NMNAT2: variants seen among roughly 807,000 people sequenced by gnomAD.
NMNAT2 encodes nicotinamide/nicotinic acid mononucleotide adenylyltransferase 2.
In NMNAT2, 11 loss-of-function variants were observed where a neutral mutation model predicts 41.6. The observed-to-expected ratio is 0.26, with a 90% CI of 0.17 to 0.44. NMNAT2 has a LOEUF of 0.44. Among genes scored for constraint, NMNAT2 ranks in the 20% least tolerant of loss-of-function variants. NMNAT2 has a pLI of 1.00. For missense variants in NMNAT2, 288 were observed against 407.7 expected, an observed-to-expected ratio of 0.71 and a Z score of 2.53; for synonymous variants, 148 against 151.2, an observed-to-expected ratio of 0.98 and a Z score of 0.16.
chr1:183,358,829 A>C (rs906918666), intron 1 of NMNAT2, among the ~76,000 whole-genome samples: 6 of 152,186 alleles, frequency 3.9e-5, no homozygotes, highest in Non-Finnish European at 7.4e-5. Context: ...CAGTAAACTG[A>C]AAGGTACAGG....
At chr1:183,374,025 T>C (rs1046502007) in intron 1 of NMNAT2, among the ~76,000 whole-genome samples, 6 of 152,226 alleles carry the variant, frequency 3.9e-5, no homozygotes, top group Non-Finnish European at 8.8e-5. Context: ...ATGTAACTCT[T>C]ATGCAATAAC....
intron 1 of NMNAT2, among the ~76,000 whole-genome samples, chr1:183,391,459 GC>G (rs1462388193): frequency 1.3e-5 from 2 of 151,910 alleles, no homozygotes; most frequent in Non-Finnish European, 2.9e-5. Context: ...TCTCAGCCTT[GC>G]CCCATCCGTT....
chr1:183,388,677 C>A (rs2101919664), intron 1 of NMNAT2, among the ~76,000 whole-genome samples: 1 of 152,246 alleles, frequency 6.6e-6, no homozygotes, highest in Admixed American at 6.5e-5. Context: ...CATTCTACTC[C>A]AACACTTTTA....
At chr1:183,297,730 T>C (rs546961657) in intron 1 of NMNAT2, among the ~76,000 whole-genome samples, 18 of 152,300 alleles carry the variant, frequency 1.2e-4, no homozygotes, top group African/African-American at 4.1e-4. Flanking sequence ...ATTACCCTGA[T>C]ATCAAAACCA....
At chr1:183,263,548 G>C (rs1238427558) in intron 8 of NMNAT2, among the ~76,000 whole-genome samples, 1 of 152,222 alleles carries the variant, frequency 6.6e-6, no homozygotes, top group East Asian at 1.9e-4. Context: ...GCCAGGCGCA[G>C]TGGCTCACAC....
At chr1:183,317,285 TCTTTTTC>T (rs1662274312) in intron 1 of NMNAT2, among the ~76,000 whole-genome samples, 1 of 152,234 alleles carries the variant, frequency 6.6e-6, no homozygotes, top group African/African-American at 2.4e-5. Context: ...ATGGATTTTT[TCTTTTTC>T]CTTTTTTGAG....
At chr1:183,371,348 A>T (rs1482569415) in intron 1 of NMNAT2, among the ~76,000 whole-genome samples, 1 of 152,198 alleles carries the variant, frequency 6.6e-6, no homozygotes, top group African/African-American at 2.4e-5. Flanking sequence ...AGCACAGAGG[A>T]TGGTTAGGGC....
chr1:183,377,691 C>A (rs1270368287), intron 1 of NMNAT2, among the ~76,000 whole-genome samples: 1 of 152,152 alleles, frequency 6.6e-6, no homozygotes, highest in Non-Finnish European at 1.5e-5. Context: ...TCCTATACAA[C>A]ATGTTCAGTT....
rs1661319129 is a variant in NMNAT2 at position 183,283,475 on chromosome 1, CGGCTCGGGCCT to C, written c.574+509_574+519del. 1.6e-4 allele frequency: 26 copies of C among 160,504 alleles called. 1 individual carries two copies. The South Asian group carries it at 3.8e-3, about 23-fold the overall frequency. The allele number at this position is 160,504 out of a possible 1,614,324, so 9.9% of individuals were successfully genotyped here. A position where few individuals can be genotyped will look rare whatever the true frequency, so the allele number is the denominator to read the frequency against. ...TGACAGCTGTGTAACCGCCCTCCACCGGCTCGGGCCTGCCCTGGCCTGCTCTGGTATTGGGT... is the reference window on the plus strand; with the variant it reads ...TGACAGCTGTGTAACCGCCCTCCACCGCCCTGGCCTGCTCTGGTATTGGGT... On this transcript the variant is annotated intron_variant, in intron 7 of 10. Transcript: ENST00000287713.
chr1:183,313,315 A>C lies in NMNAT2; in HGVS notation c.86-19522T>G, dbSNP rs143932048. ...CTGTGATTTGAGTAATTACCCCTGAAGAGAGGGAGGTACCTGACTTCTGGG... is the reference window on the plus strand; with the variant it reads ...CTGTGATTTGAGTAATTACCCCTGACGAGAGGGAGGTACCTGACTTCTGGG... On this transcript the variant is annotated intron_variant, in intron 1 of 10. Transcript: ENST00000287713. Among the ~76,000 whole-genome samples the C allele has an allele frequency of 1.3e-3, 199 of 152,334 alleles. 1 individual carries two copies. The highest frequency in any genetic ancestry group is 4.6e-3 in the African/African-American group (193 of 41,578).
intron 1 of NMNAT2, among the ~76,000 whole-genome samples, chr1:183,340,754 G>A (rs780248084): frequency 1.3e-5 from 2 of 152,106 alleles, no homozygotes; most frequent in Non-Finnish European, 2.9e-5. Context: ...CTGGGCTGAC[G>A]AAACATAATC....
intron 1 of NMNAT2, among the ~76,000 whole-genome samples, chr1:183,346,297 T>G (rs1381818591): frequency 1.3e-5 from 2 of 152,166 alleles, no homozygotes; most frequent in Non-Finnish European, 2.9e-5. Context: ...TTACCTTTAC[T>G]TGCCTTTCCT....
At chr1:183,281,641 C>T (rs1661273258) in intron 7 of NMNAT2, among the ~76,000 whole-genome samples, 1 of 152,244 alleles carries the variant, frequency 6.6e-6, no homozygotes, top group Non-Finnish European at 1.5e-5. Flanking sequence ...TGAGATCCCA[C>T]ATATGGCCAC....
At chr1:183,311,705 AT>A (rs1219613880) in intron 1 of NMNAT2, among the ~76,000 whole-genome samples, 1 of 149,588 alleles carries the variant, frequency 6.7e-6, no homozygotes, top group African/African-American at 2.5e-5. Context: ...TGCAGTTCAC[AT>A]CACACGTCCA....
chr1:183,254,188 A>G (rs1660463189), intron 10 of NMNAT2, among the ~76,000 whole-genome samples: 1 of 152,136 alleles, frequency 6.6e-6, no homozygotes, highest in African/African-American at 2.4e-5. Flanking sequence ...GGTTGTACCA[A>G]TCTACATTCC....
At chr1:183,348,380 T>G in intron 1 of NMNAT2, among the ~76,000 whole-genome samples, 1 of 152,188 alleles carries the variant, frequency 6.6e-6, no homozygotes, top group East Asian at 1.9e-4. Flanking sequence ...TATTAAATCA[T>G]TTCTATCTCC....
intron 8 of NMNAT2, 76 bp from the exon 9 acceptor site, chr1:183,261,379 G>A: frequency 8.2e-7 from 1 of 1,213,608 alleles, no homozygotes. Flanking sequence ...TAGCATGGCA[G>A]AATCCGCTTC....
At chr1:183,287,026 G>T (rs531967545) in intron 4 of NMNAT2, among the ~76,000 whole-genome samples, 1 of 152,174 alleles carries the variant, frequency 6.6e-6, no homozygotes, top group East Asian at 1.9e-4. Flanking sequence ...TTTGGGCTCT[G>T]CCTCCTTCTA....
At chr1:183,370,461 A>G (rs1472119076) in intron 1 of NMNAT2, among the ~76,000 whole-genome samples, 2 of 152,202 alleles carry the variant, frequency 1.3e-5, no homozygotes, top group Non-Finnish European at 2.9e-5. Flanking sequence ...TTGTGAAATC[A>G]TCAGGCAGAG....
Sources: allele counts gnomAD v4.1 joint callset (sites outside exome capture counted in the v4.1 genomes callset), GRCh38; gene constraint gnomAD v4.1.1; transcripts MANE v1.5; gene names NCBI Gene and HGNC (gene_info 2026-07-23, HGNC 2026-07-21).